ZDHHC19: variants seen among roughly 807,000 people sequenced by gnomAD.
ZDHHC19 encodes zDHHC palmitoyltransferase 19, also known as palmitoyltransferase ZDHHC19.
Under a neutral mutation model 33.9 loss-of-function variants are expected in ZDHHC19, and 30 were observed. The ratio of observed to expected loss-of-function variants is 0.88; its 90% CI spans 0.66 to 1.20. The LOEUF is 1.20. Ranked by LOEUF, ZDHHC19 falls within the 50% of genes most tolerant of loss-of-function variation. ZDHHC19 has a pLI of 0.00. For missense variants in ZDHHC19, 364 were observed against 401.1 expected, an observed-to-expected ratio of 0.91 and a Z score of 0.79; for synonymous variants, 178 against 167.6, an observed-to-expected ratio of 1.06 and a Z score of -0.48.
At chr3:196,210,536 G>C in intron 2 of ZDHHC19, 80 bp downstream of exon 2, 2 of 1,595,018 alleles carry the variant, frequency 1.3e-6, no homozygotes, top group Non-Finnish European at 1.7e-6. Context: ...GGGTCAGTAG[G>C]AAGAGCACTT....
At position 196,203,342 on chromosome 3, in the gene ZDHHC19, G is replaced by C. The variant is rs6787075; in HGVS notation, c.687+4056C>G. 0.04 allele frequency among the ~76,000 whole-genome samples: 6,127 copies of C among 152,300 alleles called. 158 individuals carry two copies. Among genetic ancestry groups the C allele is most frequent in the East Asian group, 0.06 (313 of 5,188 alleles). ...TCTAGAGCACTCACTTGTACCAGCT[G>C]CTACTCTATGTCTTAAACTCACCCA... On this transcript the variant is annotated intron_variant, in intron 5 of 7. Transcript: ENST00000296326. This position sits in a 1 kb window ranked among gnomAD's most constrained non-coding sequence, Gnocchi z 4.3.
chr3:196,208,695 G>C (rs1722983193), intron 3 of ZDHHC19, 135 bp from the exon 4 acceptor site: 1 of 988,384 alleles, frequency 1.0e-6, no homozygotes, highest in African/African-American at 1.6e-5. Context: ...CACCCCCAGG[G>C]AGAAACTGAG....
chr3:196,207,004 T>TA (rs1361554014), intron 5 of ZDHHC19, among the ~76,000 whole-genome samples: 1 of 152,122 alleles, frequency 6.6e-6, no homozygotes, highest in Non-Finnish European at 1.5e-5. Context: ...CGTCCTACCC[T>TA]ACCATGTGGT....
At chr3:196,200,479 C>A (rs1475694671) in intron 5 of ZDHHC19, among the ~76,000 whole-genome samples, 3 of 147,998 alleles carry the variant, frequency 2.0e-5, no homozygotes, top group Admixed American at 6.7e-5. Flanking sequence ...CTCAGCCTCC[C>A]AAGTAGCTGG....
intron 5 of ZDHHC19, among the ~76,000 whole-genome samples, chr3:196,204,293 A>G (rs1722572159): frequency 6.6e-6 from 1 of 152,226 alleles, no homozygotes; most frequent in Non-Finnish European, 1.5e-5. Context: ...CAATAGCACA[A>G]AAAAAGAAAT....
intron 4 of ZDHHC19, among the ~76,000 whole-genome samples, 186 bp downstream of exon 4, chr3:196,208,202 G>A (rs111396732): frequency 0.077 from 11,676 of 151,672 alleles, 512 homozygotes; most frequent in Middle Eastern, 0.17. Flanking sequence ...CCGGCCCGGG[G>A]GAGGCTTAAC....
intron 5 of ZDHHC19, 129 bp downstream of exon 5, chr3:196,207,269 G>A: frequency 2.7e-6 from 2 of 751,094 alleles, no homozygotes; most frequent in South Asian, 3.4e-5. Context: ...TTAAGAGCTG[G>A]GTCTGGAGGG....
chr3:196,209,010 C>T (rs1157441707), intron 3 of ZDHHC19: 1 of 291,082 alleles, frequency 3.4e-6, no homozygotes, highest in African/African-American at 2.2e-5. Context: ...CTTGGACACC[C>T]AGGCGAGGAC....
intron 7 of ZDHHC19, 76 bp downstream of exon 7, chr3:196,198,199 TC>T: frequency 1.5e-6 from 2 of 1,318,904 alleles, no homozygotes; most frequent in South Asian, 2.3e-5. Context: ...CTCAGGGGCC[TC>T]CCCCCACACC....
intron 5 of ZDHHC19, among the ~76,000 whole-genome samples, chr3:196,205,614 G>A (rs1401093512): frequency 1.3e-5 from 2 of 152,170 alleles, no homozygotes; most frequent in Non-Finnish European, 1.5e-5. Flanking sequence ...ACTAGAAAAG[G>A]ATGAGTATTA....
chr3:196,199,826 T>A (rs1722114652), intron 5 of ZDHHC19, among the ~76,000 whole-genome samples: 1 of 151,692 alleles, frequency 6.6e-6, no homozygotes, highest in Admixed American at 6.6e-5. Context: ...GTGCCTGTGA[T>A]CCCAGCTACT....
At chr3:196,200,339 T>G (rs867081117) in intron 5 of ZDHHC19, among the ~76,000 whole-genome samples, 1 of 80,694 alleles carries the variant, frequency 1.2e-5, no homozygotes, top group African/African-American at 4.6e-5. Flanking sequence ...TATATATATA[T>G]ATATGTATAT....
chr3:196,208,469 T>C lies in ZDHHC19; in HGVS notation c.500A>G (p.Tyr167Cys). The change falls in exon 4 of 8, where the codon TAC becomes TGC. Residue 167 changes from tyrosine (Y) to cysteine (C), a missense_variant. By Grantham distance (194) the Tyr-to-Cys change is radical (BLOSUM62 -2). Coordinates refer to ENST00000296326, the MANE Select transcript of ZDHHC19 (RefSeq NM_001039617.2). ...ACAGGTGACCAGCATGGCGCCCGAG[T>C]AGAGGCACAGGGACAGGACAAGCAG... Reference protein sequence around the residue: ...FMLLVLSLCLYSGAMLVTCLI... With the variant: ...FMLLVLSLCLCSGAMLVTCLI... The C allele has an allele frequency of 6.2e-7, 1 of 1,614,030 alleles. No individual in the cohort carries two copies. The highest frequency in any genetic ancestry group is 8.5e-7 in the Non-Finnish European group (1 of 1,180,000).
At chr3:196,210,346 G>GAGAAAGAA (rs10690373) in intron 2 of ZDHHC19, among the ~76,000 whole-genome samples, 9,530 of 77,946 alleles carry the variant, frequency 0.12, 787 homozygotes, top group Middle Eastern at 0.25. Flanking sequence ...AGAAAGAAAA[G>GAGAAAGAA]AGAAAGAAAG....
chr3:196,200,576 G>A lies in ZDHHC19; in HGVS notation c.688-1702C>T, dbSNP rs552774009. On this transcript the variant is annotated intron_variant, in intron 5 of 7. Transcript: ENST00000296326. ...TCACCGTGTTAGCCAGGATGGTCTC[G>A]ATCTCCTGACCTCGTGATCCGCCCA... Among the ~76,000 whole-genome samples, 299 of 149,658 alleles carry A rather than the reference G, an allele frequency of 2.0e-3. 2 individuals are homozygous for A. The highest frequency in any genetic ancestry group is 2.6e-3 in the East Asian group (13 of 5,090).
intron 4 of ZDHHC19, among the ~76,000 whole-genome samples, chr3:196,207,750 CT>C (rs1338355962): frequency 3.6e-4 from 6 of 16,870 alleles, no homozygotes; most frequent in Admixed American, 5.6e-4. Context: ...GGCCCCGCCC[CT>C]CAGGCCCGAC....
chr3:196,200,783 A>G (rs1722277897), intron 5 of ZDHHC19, among the ~76,000 whole-genome samples: 1 of 150,436 alleles, frequency 6.6e-6, no homozygotes, highest in African/African-American at 2.5e-5. Context: ...CAAGTAGCTG[A>G]GACTACAGGC....
At chr3:196,204,783 T>A (rs1368677374) in intron 5 of ZDHHC19, among the ~76,000 whole-genome samples, 1 of 152,174 alleles carries the variant, frequency 6.6e-6, no homozygotes, top group Non-Finnish European at 1.5e-5. Context: ...TACCACTATT[T>A]TGGAAGACAA....
rs766242969 is a variant in ZDHHC19, at chr3:196,210,809, T to C, written c.147-72A>G. On this transcript the variant is annotated intron_variant, in intron 1 of 7. Coordinates refer to ENST00000296326, the MANE Select transcript of ZDHHC19 (RefSeq NM_001039617.2). ...CCCCGGCCCAAGGCCTGTGGCTTGC[T>C]CAGGTCAGGACCCACAGACCTTCAA... The C allele has an allele frequency of 9.8e-4, 1,528 of 1,563,610 alleles. 1 individual carries two copies. The highest frequency in any genetic ancestry group is 1.2e-3 in the Non-Finnish European group (1,419 of 1,154,302).
Sources: gnomAD v4.1 joint callset for allele counts (sites outside exome capture counted in the v4.1 genomes callset) on GRCh38, gnomAD v4.1.1 for gene constraint, Gnocchi (gnomAD v3.1) non-coding constraint, MANE v1.5 for transcripts, NCBI Gene and HGNC (gene_info 2026-07-23, HGNC 2026-07-21) for gene names.